ANKS1A: variants seen among roughly 807,000 people sequenced by gnomAD.
ANKS1A encodes ankyrin repeat and sterile alpha motif domain containing 1A.
ANKS1A carries 55 observed loss-of-function variants against 120.3 expected under a neutral mutation model. The observed-to-expected ratio is 0.46, with a 90% CI of 0.37 to 0.57. ANKS1A has a LOEUF of 0.57. Among genes scored for constraint, ANKS1A ranks in the 20% least tolerant of loss-of-function variants. The pLI, the probability that ANKS1A is intolerant of heterozygous loss-of-function variation, is 0.00. For missense variants in ANKS1A, 1,123 were observed against 1,480.3 expected (o/e 0.76, Z 3.96); for synonymous variants, 590 against 604.7 (o/e 0.98, Z 0.36).
chr6:34,940,834 G>A (rs1469323741), intron 1 of ANKS1A, among the ~76,000 whole-genome samples: 1 of 151,626 alleles, frequency 6.6e-6, no homozygotes, highest in South Asian at 2.1e-4. Context: ...CTTGAACTCA[G>A]CAGGCGGAGG....
chr6:35,010,603 C>T (rs1256681324), intron 10 of ANKS1A, among the ~76,000 whole-genome samples: 1 of 152,094 alleles, frequency 6.6e-6, no homozygotes, highest in African/African-American at 2.4e-5. Context: ...CTAAAAGTCC[C>T]ATAACCAAGG....
intron 1 of ANKS1A, among the ~76,000 whole-genome samples, chr6:34,930,841 G>A (rs1202182425): frequency 2.0e-5 from 3 of 151,714 alleles, no homozygotes; most frequent in Non-Finnish European, 4.4e-5. Flanking sequence ...CTGTTACTTT[G>A]GCTGAGGGAA....
intron 14 of ANKS1A, among the ~76,000 whole-genome samples, chr6:35,079,303 G>A (rs1446391866): frequency 3.9e-5 from 6 of 152,168 alleles, no homozygotes; most frequent in Non-Finnish European, 8.8e-5. Context: ...AGCCCTGTCG[G>A]TGCTCCAGCG....
rs189090681 is a variant in ANKS1A at position 35,056,206 on chromosome 6, A to G, written c.2077+2041A>G. Among the ~76,000 whole-genome samples the G allele has an allele frequency of 3.9e-5, 6 of 152,318 alleles. No homozygotes were observed. The East Asian group carries it at 1.2e-3, about 29-fold the overall frequency. On this transcript the variant is annotated intron_variant, in intron 12 of 23. Transcript: ENST00000360359. The stretch of plus-strand genomic sequence containing the variant: ...ACCTCGGGAAGAGCCCTCCCCTTGG[A>G]AGGGTTAATGCTGAGCTCTTCCCGT...
downstream of ANKS1A, among the ~76,000 whole-genome samples, chr6:35,092,751 A>G (rs1357353610): frequency 6.6e-6 from 1 of 152,056 alleles, no homozygotes; most frequent in African/African-American, 2.4e-5. Context: ...GTGAGGCACA[A>G]TCCCTGGCCT....
chr6:35,044,344 G>C lies in ANKS1A; in HGVS notation c.2011-9755G>C, dbSNP rs575656458. On this transcript the variant is annotated intron_variant, in intron 11 of 23. Transcript: ENST00000360359. The surrounding 1 kb of genome is among the most constrained non-coding windows in gnomAD (Gnocchi z 4.4). ...TACAGATGACCAAGCGGAGGTGTGGGAAGAACAAGTTCCTTGCTCACAGCC... is the reference window on the plus strand; with the variant it reads ...TACAGATGACCAAGCGGAGGTGTGGCAAGAACAAGTTCCTTGCTCACAGCC... 3.3e-5 allele frequency among the ~76,000 whole-genome samples: 5 copies of C among 152,346 alleles called. No individual in the cohort carries two copies. The highest frequency in any genetic ancestry group is 4.8e-5 in the African/African-American group (2 of 41,590).
At chr6:35,031,604 C>T (rs556921908) in intron 11 of ANKS1A, among the ~76,000 whole-genome samples, 9 of 152,310 alleles carry the variant, frequency 5.9e-5, no homozygotes, top group South Asian at 2.1e-4. Context: ...TTCAGACTCA[C>T]GTATCTGGGA....
intron 1 of ANKS1A, among the ~76,000 whole-genome samples, chr6:34,936,057 G>A (rs1311050845): frequency 6.0e-5 from 6 of 100,374 alleles, no homozygotes; most frequent in African/African-American, 1.6e-4. Context: ...GCGAGACTCC[G>A]TCTCAAAAAA....
intron 13 of ANKS1A, among the ~76,000 whole-genome samples, chr6:35,076,056 C>T (rs1777338523): frequency 1.3e-5 from 2 of 152,208 alleles, no homozygotes; most frequent in African/African-American, 4.8e-5. Flanking sequence ...TAAGCCATTG[C>T]ACCTGGCCAA....
rs1301029601 is a variant in ANKS1A at position 35,017,690 on chromosome 6, G to T, written c.1641G>T (p.Thr547=). The T allele has an allele frequency of 6.2e-7, 1 of 1,614,008 alleles. No individual in the cohort carries two copies. The highest frequency in any genetic ancestry group is 2.2e-5 in the East Asian group (1 of 44,882). ...CHKASMQLEE[T]GVHAPGASQP... ...AGGCCAGCATGCAGCTGGAGGAGAC[G>T]GGTGTGCATGCTCCTGGAGCCTCCC... The change falls in exon 11 of 24, where the codon ACG becomes ACT. Residue 547 remains threonine (T), a synonymous_variant. Transcript: ENST00000360359.
intron 1 of ANKS1A, among the ~76,000 whole-genome samples, chr6:34,952,505 T>C (rs755873310): frequency 6.6e-6 from 1 of 152,190 alleles, no homozygotes; most frequent in Non-Finnish European, 1.5e-5. Flanking sequence ...CTCTGGACTT[T>C]GACAAGCCAG....
intron 1 of ANKS1A, among the ~76,000 whole-genome samples, chr6:34,922,078 G>A (rs1382256735): frequency 6.6e-6 from 1 of 150,884 alleles, no homozygotes; most frequent in Admixed American, 6.6e-5. Context: ...TTGGGCTCAG[G>A]GGATCCTCCC....
Position 35,079,920 on chromosome 6 carries a change from C to T in ANKS1A, c.2536C>T (p.Gln846Ter). 6.4e-7 allele frequency: 1 copy of T among 1,556,494 alleles called. No individual in the cohort carries two copies. The part of the protein sequence containing the change: ...EPPQKPPRFS[Q>*]LRCQDLLSQT... Reference sequence around the variant, plus strand: ...GCCCCAGAAGCCCCCCAGATTCTCCCAGCTGAGGGTGAGTCGGGGAGGGAC... The same window carrying T: ...GCCCCAGAAGCCCCCCAGATTCTCCTAGCTGAGGGTGAGTCGGGGAGGGAC... Residue 846 changes from glutamine to a stop codon, truncating the protein, a stop_gained, in exon 16 of 24, where the codon CAG becomes TAG. Transcript: ENST00000360359. LOFTEE classifies it high-confidence loss of function.
intron 1 of ANKS1A, among the ~76,000 whole-genome samples, chr6:34,911,986 T>G (rs1336235095): frequency 1.3e-5 from 2 of 152,194 alleles, no homozygotes; most frequent in African/African-American, 4.8e-5. Context: ...CATTAATACT[T>G]TCGCAATAAC....
intron 23 of ANKS1A, 115 bp downstream of exon 23, chr6:35,087,164 C>T (rs1260946111): frequency 9.3e-7 from 1 of 1,072,722 alleles, no homozygotes; most frequent in Admixed American, 1.9e-5. Context: ...CTGCTGATGC[C>T]AAGGCCCCAC....
Position 35,085,762 on chromosome 6 carries a change from C to A in ANKS1A, c.3133-4C>A, listed in dbSNP as rs1277614865. On this transcript the variant is annotated splice_polypyrimidine_tract_variant and splice_region_variant and intron_variant, in intron 21 of 23. Coordinates refer to ENST00000360359, the MANE Select transcript of ANKS1A (RefSeq NM_015245.3). The surrounding 1 kb of genome is among the most constrained non-coding windows in gnomAD (Gnocchi z 4.7). ...TGCTTAAGTGGTGATCTGCTTCCTC[C>A]CAGAACCTGACCTACGAGATCATCC... 2 of 1,582,210 alleles carry A rather than the reference C, an allele frequency of 1.3e-6. No homozygotes were observed. Among genetic ancestry groups the A allele is most frequent in the Admixed American group, 1.8e-5 (1 of 54,620 alleles).
At chr6:35,080,935 C>A in intron 16 of ANKS1A, 59 bp from the exon 17 acceptor site, 2 of 1,574,322 alleles carry the variant, frequency 1.3e-6, no homozygotes, top group Non-Finnish European at 8.7e-7. Context: ...CTGGCTGATA[C>A]CTGTAGTCGG....
In ANKS1A at chr6:34,999,760, C is replaced by A. The variant is rs184976859; in HGVS notation, c.1423+5338C>A. ...TAGACAGTTACAGCTGGTTTTAGAC[C>A]CCCTTCCCCGCCACAGTAGTTAAGA... On this transcript the variant is annotated intron_variant, in intron 10 of 23. Transcript: ENST00000360359. 4.2e-3 allele frequency among the ~76,000 whole-genome samples: 637 copies of A among 152,118 alleles called. 2 individuals are homozygous for A. The highest frequency in any genetic ancestry group is 0.02 in the Middle Eastern group (6 of 294).
intron 1 of ANKS1A, among the ~76,000 whole-genome samples, chr6:34,957,167 CT>C (rs1447201147): frequency 1.3e-5 from 2 of 152,132 alleles, no homozygotes; most frequent in African/African-American, 4.8e-5. Flanking sequence ...TGTTTTTACT[CT>C]GTTTTTAATG....
Sources: gnomAD v4.1 joint callset for allele counts (sites outside exome capture counted in the v4.1 genomes callset) on GRCh38, gnomAD v4.1.1 for gene constraint, Gnocchi (gnomAD v3.1) non-coding constraint, MANE v1.5 for transcripts, NCBI Gene and HGNC (gene_info 2026-07-23, HGNC 2026-07-21) for gene names.